The following R3HCC1L variants were observed in gnomAD, a reference collection of about 807,000 sequenced individuals.
R3HCC1L encodes the protein R3H domain and coiled-coil containing 1 like.
A neutral mutation model predicts 59.9 loss-of-function variants in R3HCC1L; 51 were observed. The ratio of observed to expected loss-of-function variants is 0.85; its 90% confidence interval spans 0.68 to 1.07. The LOEUF is 1.07. R3HCC1L is among the 50% of genes least tolerant of loss of function. The pLI, the probability that R3HCC1L is intolerant of heterozygous loss-of-function variation, is 0.00. For synonymous variants in R3HCC1L, 322 were observed against 315.2 expected (o/e 1.02, Z -0.23); for missense variants, 965 against 933.0 (o/e 1.03, Z -0.45).
intron 5 of R3HCC1L, among the ~76,000 whole-genome samples, chr10:98,214,082 T>C (rs1408683107): frequency 1.3e-5 from 2 of 152,216 alleles, no homozygotes; most frequent in African/African-American, 2.4e-5. Flanking sequence ...AGGTGACTCC[T>C]AAAATTAAAA....
chr10:98,142,367 T>A (rs1285228487), intron 1 of R3HCC1L, among the ~76,000 whole-genome samples: 2 of 152,150 alleles, frequency 1.3e-5, no homozygotes, highest in African/African-American at 4.8e-5. Flanking sequence ...CTTTCTTTTC[T>A]TTTTTTGTAC....
At chr10:98,240,359 C>G (rs1420144713) in intron 9 of R3HCC1L, among the ~76,000 whole-genome samples, 1 of 152,188 alleles carries the variant, frequency 6.6e-6, no homozygotes, top group African/African-American at 2.4e-5. Flanking sequence ...ATAAAATTTT[C>G]CCATGTTCCA....
chr10:98,236,788 A>G (rs925542193), intron 9 of R3HCC1L, among the ~76,000 whole-genome samples: 6 of 152,066 alleles, frequency 3.9e-5, no homozygotes, highest in Non-Finnish European at 7.4e-5. Context: ...TGAAGTTAAA[A>G]TCTCTCTCTC....
At chr10:98,136,571 C>G (rs948029465) in intron 1 of R3HCC1L, among the ~76,000 whole-genome samples, 4 of 152,174 alleles carry the variant, frequency 2.6e-5, no homozygotes, top group Non-Finnish European at 5.9e-5. Flanking sequence ...CGCGGTGCCT[C>G]ACGCCTGTAA....
intron 4 of R3HCC1L, among the ~76,000 whole-genome samples, chr10:98,170,605 C>T (rs886706653): frequency 1.3e-5 from 2 of 152,182 alleles, no homozygotes; most frequent in African/African-American, 4.8e-5. Flanking sequence ...GGATTGCCTG[C>T]GTGAGCCACT....
At chr10:98,214,955 T>C (rs905110582) in intron 5 of R3HCC1L, among the ~76,000 whole-genome samples, 10 of 152,240 alleles carry the variant, frequency 6.6e-5, no homozygotes, top group African/African-American at 2.2e-4. Context: ...TGGCCCCTTC[T>C]TATTTTATAG....
At chr10:98,240,373 A>G (rs567384831) in intron 9 of R3HCC1L, among the ~76,000 whole-genome samples, 25 of 152,210 alleles carry the variant, frequency 1.6e-4, no homozygotes, top group South Asian at 4.1e-4. Flanking sequence ...TGTTCCACTC[A>G]TCCAGATATT....
At chr10:98,172,654 G>A (rs1848627113) in intron 4 of R3HCC1L, among the ~76,000 whole-genome samples, 1 of 152,164 alleles carries the variant, frequency 6.6e-6, no homozygotes, top group African/African-American at 2.4e-5. Flanking sequence ...TAGCGGAACA[G>A]GCAGCCGTAA....
intron 4 of R3HCC1L, among the ~76,000 whole-genome samples, chr10:98,164,879 T>C (rs1847782461): frequency 6.6e-6 from 1 of 152,218 alleles, no homozygotes; most frequent in South Asian, 2.1e-4. Flanking sequence ...GTTCTGCTAA[T>C]ACAGCTGTGA....
intron 4 of R3HCC1L, among the ~76,000 whole-genome samples, chr10:98,188,234 T>G (rs186039203): frequency 1.3e-5 from 2 of 152,298 alleles, no homozygotes; most frequent in African/African-American, 4.8e-5. Context: ...ATTGAGAAAC[T>G]AAAAATGATA....
At chr10:98,219,162 T>C (rs1176408500) in intron 5 of R3HCC1L, among the ~76,000 whole-genome samples, 1 of 152,250 alleles carries the variant, frequency 6.6e-6, no homozygotes, top group Non-Finnish European at 1.5e-5. Flanking sequence ...TCCACCTGCC[T>C]TGGCCTCCCA....
chr10:98,236,764 T>G (rs1857009349), intron 9 of R3HCC1L, among the ~76,000 whole-genome samples: 1 of 152,194 alleles, frequency 6.6e-6, no homozygotes, highest in Non-Finnish European at 1.5e-5. Context: ...TTTTTCTTTC[T>G]TATAGTTTGG....
intron 5 of R3HCC1L, among the ~76,000 whole-genome samples, chr10:98,228,217 T>C (rs959854521): frequency 6.6e-6 from 1 of 152,224 alleles, no homozygotes; most frequent in African/African-American, 2.4e-5. Context: ...AAAGTGTTCC[T>C]GTTTCTCCAC....
chr10:98,164,704 C>T (rs964427261), intron 4 of R3HCC1L, among the ~76,000 whole-genome samples: 4 of 152,114 alleles, frequency 2.6e-5, no homozygotes, highest in African/African-American at 9.7e-5. Context: ...TGCTGACAAT[C>T]TGTGACAGCC....
chr10:98,229,211 C>T (rs1485980262), intron 5 of R3HCC1L, among the ~76,000 whole-genome samples: 1 of 152,098 alleles, frequency 6.6e-6, no homozygotes, highest in African/African-American at 2.4e-5. Context: ...TTCTTCCTAC[C>T]CATGAGCATG....
chr10:98,241,178 A>G (rs1172539920), intron 9 of R3HCC1L, among the ~76,000 whole-genome samples: 2 of 152,210 alleles, frequency 1.3e-5, no homozygotes, highest in Non-Finnish European at 1.5e-5. Flanking sequence ...CTCTAAAAGA[A>G]GGGAATAAGA....
At chr10:98,204,710 C>T (rs866269779) in intron 4 of R3HCC1L, among the ~76,000 whole-genome samples, 1 of 151,934 alleles carries the variant, frequency 6.6e-6, no homozygotes, top group Non-Finnish European at 1.5e-5. Flanking sequence ...ACCACATTCA[C>T]GTAACTTTTA....
At position 98,229,139 on chromosome 10, in the gene R3HCC1L, G is replaced by A. The variant is rs369670218; in HGVS notation, c.1786-2373G>A. 5.9e-3 allele frequency among the ~76,000 whole-genome samples: 899 copies of A among 152,192 alleles called. 5 individuals are homozygous for A. Among genetic ancestry groups the A allele is most frequent in the African/African-American group, 0.021 (863 of 41,542 alleles). On this transcript the variant is annotated intron_variant, in intron 5 of 9. Coordinates refer to ENST00000298999, the MANE Select transcript of R3HCC1L (RefSeq NM_001351015.2). The stretch of plus-strand genomic sequence containing the variant: ...CTGTGAAGAAAGTCATTGGTAGCTT[G>A]ATGGGGATGGCATTGAATCTATAAA...
intron 4 of R3HCC1L, among the ~76,000 whole-genome samples, chr10:98,193,247 A>T (rs544779962): frequency 7.2e-5 from 11 of 152,244 alleles, no homozygotes; most frequent in African/African-American, 2.6e-4. Flanking sequence ...TTTCTTCAAC[A>T]TTGTAATAGA....
Sources: gnomAD v4.1 joint callset for allele counts (sites outside exome capture counted in the v4.1 genomes callset) on GRCh38, gnomAD v4.1.1 for gene constraint, MANE v1.5 for transcripts, NCBI Gene and HGNC (gene_info 2026-07-23, HGNC 2026-07-21) for gene names.